The following NCOR2 variants were observed in gnomAD, a reference collection of about 807,000 sequenced individuals.
NCOR2 encodes nuclear receptor corepressor 2, also known as CTG repeat protein 26.
Under a neutral mutation model 262.9 loss-of-function variants are expected in NCOR2, and 81 were observed. The observed-to-expected ratio is 0.31, with a 90% CI of 0.26 to 0.37. NCOR2 has a LOEUF of 0.37. Ranked by LOEUF, NCOR2 falls within the 10% of genes least tolerant of loss-of-function variation. NCOR2 has a pLI of 1.00. For synonymous variants in NCOR2, 1,659 were observed against 1,559.3 expected, an observed-to-expected ratio of 1.06 and a Z score of -1.51; for missense variants, 3,385 against 3,621.4, an observed-to-expected ratio of 0.93 and a Z score of 1.68.
chr12:124,549,769 T>G lies in NCOR2; in HGVS notation c.-164-14158A>C, dbSNP rs2051654887. 6.6e-6 allele frequency among the ~76,000 whole-genome samples: 1 copy of G among 152,106 alleles called. No homozygotes were observed. The highest frequency in any genetic ancestry group is 6.5e-5 in the Admixed American group (1 of 15,276). On this transcript the variant is annotated intron_variant, in intron 1 of 32. Transcript: ENST00000458234. This position sits in a 1 kb window ranked among gnomAD's most constrained non-coding sequence, Gnocchi z 4.4. Reference sequence around the variant, plus strand: ...CCAGCAACCCCTCAAGATAACCTTATCACGTTTCACGGAGGGAGAGAGGGC... The same window carrying G: ...CCAGCAACCCCTCAAGATAACCTTAGCACGTTTCACGGAGGGAGAGAGGGC...
intron 17 of NCOR2, chr12:124,383,651 C>T (rs2040578835): frequency 5.1e-6 from 1 of 197,630 alleles, no homozygotes; most frequent in Non-Finnish European, 1.0e-5. Context: ...TCCCGGAGCG[C>T]TGCCCCTCTG....
chr12:124,330,747 T>G, intron 44 of NCOR2, 98 bp downstream of exon 46: 1 of 1,330,924 alleles, frequency 7.5e-7, no homozygotes, highest in Non-Finnish European at 1.0e-6. Flanking sequence ...ACACCCAGAC[T>G]AGCGAAGGCT....
At chr12:124,449,717 G>A (rs2045402372) in intron 7 of NCOR2, 98 bp downstream of exon 9, 2 of 1,437,846 alleles carry the variant, frequency 1.4e-6, no homozygotes, top group African/African-American at 2.8e-5. Context: ...CCCCTGATGG[G>A]AACAGAGAGC....
At chr12:124,514,970 G>T (rs933339200) in intron 1 of NCOR2, among the ~76,000 whole-genome samples, 1 of 151,732 alleles carries the variant, frequency 6.6e-6, no homozygotes, top group East Asian at 1.9e-4. Context: ...CCTAAGCTAC[G>T]ACCCATGCCC....
intron 30 of NCOR2, 110 bp downstream of exon 32, chr12:124,347,715 G>A: frequency 1.9e-6 from 2 of 1,065,152 alleles, no homozygotes; most frequent in South Asian, 1.5e-5. Flanking sequence ...AGGCCTTTCT[G>A]CATACTTGTC....
chr12:124,350,616 C>T, exon 28 of NCOR2: 2 of 1,613,990 alleles, frequency 1.2e-6, no homozygotes, highest in Non-Finnish European at 8.5e-7. Flanking sequence ...GCCCTTCTTG[C>T]CTTCGTAGAT....
In NCOR2 at chr12:124,430,274, G is replaced by C. The variant is rs549431545; in HGVS notation, c.1055+341C>G. On this transcript the variant is annotated intron_variant, in intron 9 of 46. Transcript: ENST00000405201. ...ACAGCCACTGGGGGAGGCTGACAGC[G>C]TGGTCTCTTAGCCACGTCTCTCCCC... Among the ~76,000 whole-genome samples the C allele has an allele frequency of 3.9e-5, 6 of 152,300 alleles. No homozygotes were observed. The South Asian group carries it at 1.2e-3, about 32-fold the overall frequency.
chr12:124,392,418 C>T (rs896218166), intron 16 of NCOR2, among the ~76,000 whole-genome samples: 1 of 152,172 alleles, frequency 6.6e-6, no homozygotes, highest in Non-Finnish European at 1.5e-5. Context: ...TCTCTCCAGA[C>T]CACACGTGGT....
intron 1 of NCOR2, among the ~76,000 whole-genome samples, chr12:124,563,246 C>T (rs879780025): frequency 6.6e-6 from 1 of 152,170 alleles, no homozygotes; most frequent in Admixed American, 6.5e-5. Context: ...TGAAACACTC[C>T]GAGATTGTCC....
At chr12:124,498,184 G>T (rs2048477524), upstream of NCOR2, among the ~76,000 whole-genome samples, 1 of 152,196 alleles carries the variant, frequency 6.6e-6, no homozygotes, top group South Asian at 2.1e-4. Flanking sequence ...GCACAAGGTG[G>T]CCGAGAGGTC....
chr12:124,521,724 A>C (rs1331997882), intron 1 of NCOR2, among the ~76,000 whole-genome samples: 2 of 152,172 alleles, frequency 1.3e-5, no homozygotes, highest in Non-Finnish European at 2.9e-5. Flanking sequence ...TGAACTGTTC[A>C]TGTTAAAATG....
chr12:124,536,709 T>C (rs1235386840), upstream of NCOR2, among the ~76,000 whole-genome samples: 1 of 152,224 alleles, frequency 6.6e-6, no homozygotes, highest in East Asian at 1.9e-4. Flanking sequence ...GCCGACGGGA[T>C]GCAAAATGGA....
chr12:124,480,092 T>C lies in NCOR2; in HGVS notation c.411+3504A>G, dbSNP rs182546406. Among the ~76,000 whole-genome samples, 4 of 152,288 alleles carry C rather than the reference T, an allele frequency of 2.6e-5. No homozygotes were observed. In the East Asian group the frequency reaches 7.7e-4, roughly 29 times the overall value. ...TCCTGATAAAGGAGGTGCCTCACCC[T>C]AGGGGTCAACCATTCAATCCAATCC... is the stretch of plus-strand genomic sequence containing the variant. On this transcript the variant is annotated intron_variant, in intron 3 of 46. Coordinates refer to ENST00000405201, the Ensembl canonical transcript of NCOR2.
chr12:124,395,787 T>C (rs1752659215), intron 16 of NCOR2, among the ~76,000 whole-genome samples: 1 of 151,854 alleles, frequency 6.6e-6, no homozygotes, highest in Non-Finnish European at 1.5e-5. Context: ...GGCTGACCGT[T>C]TGGGGATGTC....
chr12:124,522,194 A>G (rs997143503), intron 1 of NCOR2, among the ~76,000 whole-genome samples: 8 of 152,248 alleles, frequency 5.3e-5, no homozygotes, highest in African/African-American at 1.7e-4. Context: ...TGTGCTGAGC[A>G]CTGGAAATAT....
intron 1 of NCOR2, among the ~76,000 whole-genome samples, chr12:124,518,884 G>A (rs551872433): frequency 3.3e-5 from 5 of 152,294 alleles, no homozygotes; most frequent in South Asian, 2.1e-4. Context: ...CCTTGGCTCC[G>A]GCCTGGTTCC....
At position 124,445,107 on chromosome 12, in the gene NCOR2, G is replaced by T. The variant is rs549423391; in HGVS notation, c.815+4708C>A. ...CTGCGAAAAGAGAAAAACGAGCAACGGAAGAAACCGGCTTCCAGGCCTGAG... is the reference window on the plus strand; with the variant it reads ...CTGCGAAAAGAGAAAAACGAGCAACTGAAGAAACCGGCTTCCAGGCCTGAG... On this transcript the variant is annotated intron_variant, in intron 7 of 46. Transcript: ENST00000405201. Among the ~76,000 whole-genome samples the T allele has an allele frequency of 2.3e-3, 343 of 152,330 alleles. 2 individuals carry two copies. Among genetic ancestry groups the T allele is most frequent in the African/African-American group, 7.8e-3 (323 of 41,578 alleles).
At chr12:124,371,517 G>A (rs865993023) in intron 20 of NCOR2, among the ~76,000 whole-genome samples, 28 of 152,224 alleles carry the variant, frequency 1.8e-4, no homozygotes, top group African/African-American at 6.0e-4. Context: ...TGCACAGGGC[G>A]AAGGTCATGT....
At chr12:124,390,802 G>C (rs552976109) in intron 16 of NCOR2, among the ~76,000 whole-genome samples, 1 of 152,248 alleles carries the variant, frequency 6.6e-6, no homozygotes, top group African/African-American at 2.4e-5. Context: ...TGGATTCCCC[G>C]ACCCCACTTC....
Sources: gnomAD v4.1 joint callset for allele counts (sites outside exome capture counted in the v4.1 genomes callset) on GRCh38, gnomAD v4.1.1 for gene constraint, Gnocchi (gnomAD v3.1) non-coding constraint, MANE v1.5 for transcripts, NCBI Gene and HGNC (gene_info 2026-07-23, HGNC 2026-07-21) for gene names.